KCNQ5: variants seen among roughly 807,000 people sequenced by gnomAD.
KCNQ5 encodes potassium voltage-gated channel subfamily KQT member 5.
KCNQ5 carries 30 observed loss-of-function variants against 98.2 expected under a neutral mutation model. The ratio of observed to expected loss-of-function variants is 0.31; its 90% CI spans 0.23 to 0.41. The LOEUF is 0.41. Among genes scored for constraint, KCNQ5 ranks in the 10% least tolerant of loss-of-function variants. KCNQ5 has a pLI of 1.00. For missense variants in KCNQ5, 835 were observed against 1,182.5 expected (o/e 0.71, Z 4.31); for synonymous variants, 458 against 449.4 (o/e 1.02, Z -0.24).
At chr6:72,738,134 G>A (rs1291891887) in intron 1 of KCNQ5, among the ~76,000 whole-genome samples, 2 of 149,532 alleles carry the variant, frequency 1.3e-5, no homozygotes, top group Non-Finnish European at 2.9e-5. Context: ...CAGCCTGGGC[G>A]ACAAAGCAAG....
chr6:72,958,102 A>C (rs1767173851), intron 1 of KCNQ5, among the ~76,000 whole-genome samples: 1 of 152,080 alleles, frequency 6.6e-6, no homozygotes. Context: ...TTTATGAATG[A>C]AAGGCATCCA....
intron 1 of KCNQ5, among the ~76,000 whole-genome samples, chr6:72,822,298 G>A (rs1775797461): frequency 1.3e-5 from 2 of 152,170 alleles, no homozygotes; most frequent in African/African-American, 4.8e-5. Flanking sequence ...ACTGTATGTG[G>A]TCATTTGGGC....
intron 1 of KCNQ5, chr6:72,640,755 A>C (rs1018674080): frequency 6.6e-6 from 1 of 152,170 alleles, no homozygotes; most frequent in African/African-American, 2.4e-5. Context: ...GCCTGCAAAA[A>C]TGTTAAGTAG....
chr6:73,122,247 A>G (rs796665536), intron 8 of KCNQ5, among the ~76,000 whole-genome samples: 36 of 152,348 alleles, frequency 2.4e-4, no homozygotes, highest in African/African-American at 8.7e-4. Context: ...AGGAAAACTG[A>G]TAGAGAATTC....
intron 10 of KCNQ5, chr6:73,157,596 C>T (rs2150488985): frequency 1.3e-6 from 1 of 769,198 alleles, no homozygotes; most frequent in Non-Finnish European, 2.4e-6. Context: ...TGGAGGGCGG[C>T]GGCAACGGTA....
chr6:72,937,782 T>G (rs1331461959), intron 1 of KCNQ5, among the ~76,000 whole-genome samples: 3 of 152,230 alleles, frequency 2.0e-5, no homozygotes, highest in Non-Finnish European at 4.4e-5. Flanking sequence ...TTTTTTATTT[T>G]AATACATAAA....
At chr6:72,679,343 A>T (rs994487847) in intron 1 of KCNQ5, among the ~76,000 whole-genome samples, 2 of 152,182 alleles carry the variant, frequency 1.3e-5, no homozygotes, top group Admixed American at 6.5e-5. Flanking sequence ...ACAAAGATAG[A>T]CTGGATTAAG....
chr6:72,668,370 A>G (rs1766932984), intron 1 of KCNQ5, among the ~76,000 whole-genome samples: 1 of 152,180 alleles, frequency 6.6e-6, no homozygotes. Flanking sequence ...CTGCCTTCAA[A>G]CAATTTACAG....
At chr6:73,149,981 T>A (rs1208110986) in intron 10 of KCNQ5, among the ~76,000 whole-genome samples, 9 of 142,164 alleles carry the variant, frequency 6.3e-5, no homozygotes, top group African/African-American at 2.4e-4. Flanking sequence ...TTAGAATATA[T>A]AAAGAACCCT....
chr6:72,625,155 C>T (rs1329860024), intron 1 of KCNQ5, among the ~76,000 whole-genome samples: 1 of 152,072 alleles, frequency 6.6e-6, no homozygotes, highest in East Asian at 1.9e-4. Flanking sequence ...ACAAGAAAAG[C>T]ATGTTTAAAG....
chr6:72,941,612 TTCCTGACTTCCTC>T (rs1562082856), intron 1 of KCNQ5, among the ~76,000 whole-genome samples: 1 of 142,964 alleles, frequency 7.0e-6, no homozygotes, highest in Non-Finnish European at 1.5e-5. Context: ...AATTCCTTCC[TTCCTGACTTCCTC>T]CCCTCCCTCC....
chr6:73,050,350 G>A lies in KCNQ5; in HGVS notation c.616+8288G>A, dbSNP rs112436741. ...AGGAAGGGAGGGAGGGAAGGAGGGA[G>A]GGAAAGAAAGGAAAGGAAAGAAAAT... is the stretch of plus-strand genomic sequence containing the variant. On this transcript the variant is annotated intron_variant, in intron 3 of 13. Coordinates refer to ENST00000370398, the MANE Select transcript of KCNQ5 (RefSeq NM_019842.4). Among the ~76,000 whole-genome samples, 1,299 of 149,918 alleles carry A rather than the reference G, an allele frequency of 8.7e-3. 9 individuals carry two copies. Among genetic ancestry groups the A allele is most frequent in the East Asian group, 0.045 (227 of 5,038 alleles).
intron 1 of KCNQ5, among the ~76,000 whole-genome samples, chr6:72,627,480 G>A (rs58816739): frequency 0.04 from 6,054 of 152,294 alleles, 133 homozygotes; most frequent in Middle Eastern, 0.12. Flanking sequence ...ATGGCCAGCA[G>A]TTTCCAATGC....
In KCNQ5 at chr6:73,077,904, A is replaced by T; in HGVS notation, c.918+17A>T. On this transcript the variant is annotated intron_variant, in intron 5 of 13. Coordinates refer to ENST00000370398, the MANE Select transcript of KCNQ5 (RefSeq NM_019842.4). ...TGGGGCACAGTAAGTATAAAAATAC[A>T]TTTTTTATTTATTGGATGTTGTGAA... 1 of 1,564,268 alleles carries T rather than the reference A, an allele frequency of 6.4e-7. No homozygotes were observed. The highest frequency in any genetic ancestry group is 8.6e-7 in the Non-Finnish European group (1 of 1,157,964).
chr6:73,058,187 C>T (rs930454804), intron 3 of KCNQ5, among the ~76,000 whole-genome samples: 1 of 152,038 alleles, frequency 6.6e-6, no homozygotes, highest in African/African-American at 2.4e-5. Context: ...CCGAGGCAGG[C>T]GGATCACGAG....
Position 72,622,649 on chromosome 6 carries a change from G to GCGTGCTC in KCNQ5, c.398+65_398+71dup. On this transcript the variant is annotated intron_variant, in intron 1 of 13. Coordinates refer to ENST00000370398, the MANE Select transcript of KCNQ5 (RefSeq NM_019842.4). This position sits in a 1 kb window ranked among gnomAD's most constrained non-coding sequence, Gnocchi z 6.0. ...GGACCACTGTCCCTGGCCCCCTGGG[G>GCGTGCTC]CGTGCTCCGCGCTCGCGCCCTTGGG... 1 of 1,576,782 alleles carries GCGTGCTC rather than the reference G, an allele frequency of 6.3e-7. No homozygotes were observed. The highest frequency in any genetic ancestry group is 8.6e-7 in the Non-Finnish European group (1 of 1,160,600).
At chr6:72,807,226 A>T (rs1313087660) in intron 1 of KCNQ5, among the ~76,000 whole-genome samples, 1 of 152,140 alleles carries the variant, frequency 6.6e-6, no homozygotes, top group African/African-American at 2.4e-5. Context: ...TAATCTGTAT[A>T]ATAGTCATAC....
At chr6:72,925,375 A>G (rs1342129987) in intron 1 of KCNQ5, among the ~76,000 whole-genome samples, 2 of 152,230 alleles carry the variant, frequency 1.3e-5, no homozygotes, top group African/African-American at 4.8e-5. Flanking sequence ...TGAATCACTT[A>G]ATTAAATGCT....
intron 1 of KCNQ5, among the ~76,000 whole-genome samples, chr6:72,655,062 TTCTTTC>T (rs1565060441): frequency 2.0e-5 from 3 of 150,608 alleles, no homozygotes; most frequent in African/African-American, 7.3e-5. Context: ...CTTTCTTTCT[TTCTTTC>T]TTTCTTTCTT....
Sources: allele counts gnomAD v4.1 joint callset (sites outside exome capture counted in the v4.1 genomes callset), GRCh38; gene constraint gnomAD v4.1.1; non-coding constraint Gnocchi (gnomAD v3.1); transcripts MANE v1.5; gene names NCBI Gene and HGNC (gene_info 2026-07-23, HGNC 2026-07-21).